PCGF5: variants seen among roughly 807,000 people sequenced by gnomAD.
PCGF5 encodes polycomb group RING finger protein 5.
PCGF5 carries 9 observed loss-of-function variants against 44.3 expected under a neutral mutation model. That is an observed-to-expected ratio of 0.20 (90% confidence interval 0.12 to 0.35). The LOEUF (loss-of-function observed/expected upper bound fraction) is 0.35. Among genes scored for constraint, PCGF5 ranks in the 10% least tolerant of loss-of-function variants. The pLI is 1.00. For missense variants in PCGF5, 146 were observed against 305.3 expected (o/e 0.48, Z 3.89); for synonymous variants, 95 against 102.5 (o/e 0.93, Z 0.44).
intron 2 of PCGF5, among the ~76,000 whole-genome samples, chr10:91,223,802 G>A (rs1844744178): frequency 6.6e-6 from 1 of 152,188 alleles, no homozygotes; most frequent in Non-Finnish European, 1.5e-5. Flanking sequence ...GATGTAGGGG[G>A]AGAGAGAAGG....
chr10:91,246,049 A>G (rs1239229300), intron 3 of PCGF5, among the ~76,000 whole-genome samples: 1 of 152,198 alleles, frequency 6.6e-6, no homozygotes, highest in Non-Finnish European at 1.5e-5. Flanking sequence ...AATTTTGAGC[A>G]AGTAAGAGAG....
intron 6 of PCGF5, among the ~76,000 whole-genome samples, chr10:91,256,367 G>T (rs867591302): frequency 1.3e-5 from 2 of 151,962 alleles, no homozygotes; most frequent in Non-Finnish European, 2.9e-5. Flanking sequence ...TAAAATTGAA[G>T]TTAAATGAAT....
At chr10:91,213,278 T>G (rs1375850362) in intron 1 of PCGF5, among the ~76,000 whole-genome samples, 1 of 152,212 alleles carries the variant, frequency 6.6e-6, no homozygotes, top group Non-Finnish European at 1.5e-5. Context: ...AAGGAACACA[T>G]CTATTTCTTA....
At chr10:91,271,239 CAGTAT>C (rs1846174683) in intron 8 of PCGF5, among the ~76,000 whole-genome samples, 1 of 151,926 alleles carries the variant, frequency 6.6e-6, no homozygotes. Flanking sequence ...TTTCCTTGAA[CAGTAT>C]TACTTTCAGG....
intron 1 of PCGF5, among the ~76,000 whole-genome samples, chr10:91,192,752 T>A (rs1055810001): frequency 1.2e-4 from 18 of 151,988 alleles, no homozygotes; most frequent in Admixed American, 9.2e-4. Flanking sequence ...AATTTTAAAA[T>A]AGAGCACAGA....
intron 2 of PCGF5, among the ~76,000 whole-genome samples, chr10:91,237,614 G>A (rs982545986): frequency 2.6e-5 from 4 of 152,002 alleles, no homozygotes. Flanking sequence ...CATGGTGATG[G>A]GCACCTGTAA....
intron 1 of PCGF5, among the ~76,000 whole-genome samples, chr10:91,199,289 A>T (rs566167361): frequency 6.6e-6 from 1 of 152,332 alleles, no homozygotes; most frequent in South Asian, 2.1e-4. Context: ...TTTATTAGGG[A>T]ATGCCCTTTG....
chr10:91,167,846 A>C (rs926914039), intron 1 of PCGF5, among the ~76,000 whole-genome samples: 1 of 152,212 alleles, frequency 6.6e-6, no homozygotes, highest in Admixed American at 6.5e-5. Flanking sequence ...AAATGATGAG[A>C]ACCTAAATTA....
intron 1 of PCGF5, among the ~76,000 whole-genome samples, chr10:91,194,693 C>T (rs1194975216): frequency 6.6e-6 from 1 of 151,946 alleles, no homozygotes; most frequent in Non-Finnish European, 1.5e-5. Context: ...AATTCAAAAG[C>T]ATAGAGATGG....
intron 1 of PCGF5, among the ~76,000 whole-genome samples, chr10:91,171,943 C>T (rs1414476162): frequency 1.3e-5 from 2 of 152,154 alleles, no homozygotes; most frequent in African/African-American, 4.8e-5. Flanking sequence ...CCTCCTAAAG[C>T]TTTTCTGAGC....
intron 1 of PCGF5, among the ~76,000 whole-genome samples, chr10:91,203,528 G>A (rs565630548): frequency 2.6e-5 from 4 of 152,244 alleles, no homozygotes; most frequent in Middle Eastern, 6.8e-3. Context: ...TCAGTATTCT[G>A]TATTTCATTG....
chr10:91,271,057 C>T (rs1846169131), intron 8 of PCGF5, among the ~76,000 whole-genome samples: 1 of 150,242 alleles, frequency 6.7e-6, no homozygotes, highest in Non-Finnish European at 1.5e-5. Flanking sequence ...AGTTCTGGGC[C>T]TTAGCTATTA....
chr10:91,203,276 C>G (rs1258025807), intron 1 of PCGF5, among the ~76,000 whole-genome samples: 1 of 152,152 alleles, frequency 6.6e-6, no homozygotes, highest in African/African-American at 2.4e-5. Flanking sequence ...GATTGCATGT[C>G]TTTTTAGCGT....
rs374357986 is a variant in PCGF5, at chr10:91,211,386, C to T, written c.-183-11303C>T. Among the ~76,000 whole-genome samples the T allele has an allele frequency of 7.2e-5, 11 of 152,298 alleles. No homozygotes were observed. In the East Asian group the frequency reaches 1.2e-3, roughly 16 times the overall value. ...TAGAGTGTTTCTCCATGACAGTGTG[C>T]TGTGTTACTCTTACTGTATTGCTAT... On this transcript the variant is annotated intron_variant, in intron 1 of 9. Transcript: ENST00000614189.
chr10:91,167,848 C>T (rs61857953), intron 1 of PCGF5, among the ~76,000 whole-genome samples: 10,369 of 152,116 alleles, frequency 0.068, 447 homozygotes, highest in Non-Finnish European at 0.1. Flanking sequence ...ATGATGAGAA[C>T]CTAAATTAGG....
chr10:91,177,573 C>T (rs1451409420), intron 1 of PCGF5, among the ~76,000 whole-genome samples: 10 of 152,156 alleles, frequency 6.6e-5, no homozygotes, highest in South Asian at 2.1e-4. Flanking sequence ...GCTTCCTGGC[C>T]GCTTTGTTTA....
intron 1 of PCGF5, among the ~76,000 whole-genome samples, chr10:91,200,943 G>C (rs1451236375): frequency 6.6e-6 from 1 of 152,146 alleles, no homozygotes; most frequent in African/African-American, 2.4e-5. Context: ...GAAGTGGAAA[G>C]GGGGAGGGTC....
the PCGF5 span, among the ~76,000 whole-genome samples, chr10:91,156,276 C>T: frequency 6.6e-6 from 1 of 152,110 alleles, no homozygotes; most frequent in African/African-American, 2.4e-5. Flanking sequence ...AAAGGAACTT[C>T]AAAACCAGTA....
intron 1 of PCGF5, among the ~76,000 whole-genome samples, chr10:91,198,948 T>G (rs771474896): frequency 1.3e-5 from 2 of 152,362 alleles, no homozygotes; most frequent in Non-Finnish European, 2.9e-5. Flanking sequence ...TTCATCACCC[T>G]CTGTGATTGC....
Sources: allele counts gnomAD v4.1 joint callset (sites outside exome capture counted in the v4.1 genomes callset), GRCh38; gene constraint gnomAD v4.1.1; transcripts MANE v1.5; gene names NCBI Gene and HGNC (gene_info 2026-07-23, HGNC 2026-07-21).